Variants in GRIN3A observed in about 807,000 individuals in gnomAD.
The protein encoded by GRIN3A is glutamate receptor ionotropic, NMDA 3A.
A neutral mutation model predicts 92.4 loss-of-function variants in GRIN3A; 47 were observed. The observed-to-expected ratio is 0.51, with a 90% CI of 0.40 to 0.65. GRIN3A has a LOEUF of 0.65. Among genes scored for constraint, GRIN3A ranks in the 30% least tolerant of loss-of-function variants. GRIN3A has a pLI of 0.00. For synonymous variants in GRIN3A, 527 were observed against 540.6 expected, an observed-to-expected ratio of 0.97 and a Z score of 0.35; for missense variants, 1,324 against 1,393.1, an observed-to-expected ratio of 0.95 and a Z score of 0.79.
At chr9:101,653,487 T>C (rs1257778773) in intron 3 of GRIN3A, among the ~76,000 whole-genome samples, 1 of 151,962 alleles carries the variant, frequency 6.6e-6, no homozygotes, top group Admixed American at 6.6e-5. Flanking sequence ...AATTGCACAT[T>C]GATGAAACTT....
chr9:101,595,511 G>GAC (rs1172763948), intron 6 of GRIN3A, among the ~76,000 whole-genome samples: 1 of 152,076 alleles, frequency 6.6e-6, no homozygotes, highest in Admixed American at 6.5e-5. Flanking sequence ...GAAACAAGGT[G>GAC]ACACATCAAG....
At chr9:101,689,029 C>G in intron 1 of GRIN3A, among the ~76,000 whole-genome samples, 1 of 152,262 alleles carries the variant, frequency 6.6e-6, no homozygotes, top group South Asian at 2.1e-4. Context: ...GAAATGGAAG[C>G]TTCATTTCCT....
chr9:101,706,431 T>C (rs994571953), intron 1 of GRIN3A, among the ~76,000 whole-genome samples: 1 of 152,158 alleles, frequency 6.6e-6, no homozygotes. Context: ...ATAGTAACCT[T>C]AAGATGTGAA....
At chr9:101,715,804 G>A (rs191780933) in intron 1 of GRIN3A, among the ~76,000 whole-genome samples, 1 of 152,052 alleles carries the variant, frequency 6.6e-6, no homozygotes, top group East Asian at 1.9e-4. Context: ...GAATTACAAT[G>A]GCAAATAAAA....
chr9:101,582,463 C>T (rs961825906), intron 6 of GRIN3A, among the ~76,000 whole-genome samples: 3 of 152,162 alleles, frequency 2.0e-5, no homozygotes, highest in African/African-American at 7.2e-5. Flanking sequence ...ACAAGGAATG[C>T]TGGTCTGGGA....
chr9:101,692,384 T>C (rs1829631065), intron 1 of GRIN3A, among the ~76,000 whole-genome samples: 1 of 152,202 alleles, frequency 6.6e-6, no homozygotes. Context: ...CTTTGTTCTC[T>C]CAGAGAGCAC....
intron 6 of GRIN3A, among the ~76,000 whole-genome samples, chr9:101,591,337 A>T (rs930234639): frequency 1.3e-5 from 2 of 152,222 alleles, no homozygotes; most frequent in African/African-American, 4.8e-5. Context: ...ATTTGATGAC[A>T]TGGTTAAGAC....
chr9:101,681,272 T>C (rs1043601840), intron 2 of GRIN3A, among the ~76,000 whole-genome samples: 2 of 152,194 alleles, frequency 1.3e-5, no homozygotes, highest in African/African-American at 4.8e-5. Context: ...TATCCTAATG[T>C]TTAAAAAAAA....
chr9:101,679,427 G>T (rs1217425873), intron 2 of GRIN3A, among the ~76,000 whole-genome samples: 1 of 152,054 alleles, frequency 6.6e-6, no homozygotes, highest in Non-Finnish European at 1.5e-5. Context: ...GAGTCTTGAG[G>T]GAATATACAT....
intron 1 of GRIN3A, among the ~76,000 whole-genome samples, chr9:101,730,613 A>G (rs1442580526): frequency 2.0e-5 from 3 of 152,104 alleles, no homozygotes; most frequent in Non-Finnish European, 4.4e-5. Context: ...CTCCCACCTT[A>G]TATTTCCTCC....
At chr9:101,613,321 G>A in intron 6 of GRIN3A, 55 bp downstream of exon 6, 3 of 1,570,846 alleles carry the variant, frequency 1.9e-6, no homozygotes, top group Non-Finnish European at 2.6e-6. Flanking sequence ...ATTTCCTTAT[G>A]TTCTCTGAGG....
intron 2 of GRIN3A, among the ~76,000 whole-genome samples, chr9:101,673,865 A>G (rs375519932): frequency 2.9e-4 from 44 of 152,042 alleles, no homozygotes; most frequent in African/African-American, 1.0e-3. Flanking sequence ...GGGGAGAGAG[A>G]AAGTGAGCAG....
chr9:101,737,269 G>C lies in GRIN3A; in HGVS notation c.699+12C>G. 6.2e-7 allele frequency: 1 copy of C among 1,611,934 alleles called. No homozygotes were observed. The highest frequency in any genetic ancestry group is 8.5e-7 in the Non-Finnish European group (1 of 1,178,006). On this transcript the variant is annotated intron_variant, in intron 1 of 8. Coordinates refer to ENST00000361820, the MANE Select transcript of GRIN3A (RefSeq NM_133445.3). ...GCGCCCATCTCCACTCCACGCACCA[G>C]GCTCCTCTCACCTGACTCTCCCGTG...
intron 3 of GRIN3A, among the ~76,000 whole-genome samples, chr9:101,629,099 T>A (rs1426145630): frequency 6.6e-6 from 1 of 152,156 alleles, no homozygotes; most frequent in African/African-American, 2.4e-5. Context: ...TTAAATAAAT[T>A]ATATGGTATA....
At chr9:101,633,227 C>T (rs896402783) in intron 3 of GRIN3A, among the ~76,000 whole-genome samples, 1 of 152,198 alleles carries the variant, frequency 6.6e-6, no homozygotes, top group Non-Finnish European at 1.5e-5. Flanking sequence ...CATCTGTACC[C>T]ATCTGAGATT....
chr9:101,700,909 T>C (rs972933523), intron 1 of GRIN3A, among the ~76,000 whole-genome samples: 3 of 152,166 alleles, frequency 2.0e-5, no homozygotes, highest in Non-Finnish European at 2.9e-5. Context: ...TTTTAAATGC[T>C]AAAATAACAC....
intron 6 of GRIN3A, chr9:101,592,323 A>G (rs574886046): frequency 6.6e-6 from 1 of 152,338 alleles, no homozygotes; most frequent in South Asian, 2.1e-4. Context: ...TCTCCTTTAC[A>G]TATTGATCTT....
intron 1 of GRIN3A, among the ~76,000 whole-genome samples, chr9:101,708,993 A>G (rs1829843823): frequency 6.6e-6 from 1 of 152,232 alleles, no homozygotes; most frequent in African/African-American, 2.4e-5. Flanking sequence ...AATGATAGTA[A>G]CACACAGGCA....
rs1376708212 is a variant in GRIN3A, at chr9:101,623,352, T to C, written c.2580A>G (p.Lys860=). Residue 860 remains lysine, a synonymous_variant, in exon 5 of 9, where the codon AAA becomes AAG. Transcript: ENST00000361820. ...CAAATGGCTTCCCCACAGTGAGAAG[T>C]TTGCAGTCAGCATCTATTGACACTT... ...DYEVSIDADC[K]LLTVGKPFAI... is the part of the protein sequence containing the mutation. 1.2e-6 allele frequency: 2 copies of C among 1,613,610 alleles called. No individual in the cohort carries two copies. Among genetic ancestry groups the C allele is most frequent in the South Asian group, 2.2e-5 (2 of 91,066 alleles).
Sources: allele counts gnomAD v4.1 joint callset (sites outside exome capture counted in the v4.1 genomes callset), GRCh38; gene constraint gnomAD v4.1.1; transcripts MANE v1.5; gene names NCBI Gene and HGNC (gene_info 2026-07-23, HGNC 2026-07-21).